The following STRADA variants were observed in gnomAD, a reference collection of about 807,000 sequenced individuals.
The protein encoded by STRADA is STE20-related kinase adapter protein alpha.
STRADA carries 26 observed loss-of-function variants against 55.0 expected under a neutral mutation model. The observed-to-expected ratio is 0.47, with a 90% CI of 0.35 to 0.66. The LOEUF (loss-of-function observed/expected upper bound fraction) is 0.66. STRADA is among the 30% of genes least tolerant of loss of function. The pLI, the probability that STRADA is intolerant of heterozygous loss-of-function variation, is 0.01. For missense variants in STRADA, 443 were observed against 549.7 expected (o/e 0.81, Z 1.94); for synonymous variants, 197 against 210.9 (o/e 0.93, Z 0.57).
chr17:63,739,029 T>C (rs1028036258), intron 1 of STRADA, among the ~76,000 whole-genome samples: 1 of 149,708 alleles, frequency 6.7e-6, no homozygotes, highest in Non-Finnish European at 1.5e-5. Flanking sequence ...GGCGGGCGCC[T>C]GTAGTCCCAG....
chr17:63,737,303 A>G (rs1282093278), intron 1 of STRADA: 2 of 150,306 alleles, frequency 1.3e-5, no homozygotes, highest in Non-Finnish European at 1.5e-5. Context: ...AAGGAATGAG[A>G]AAGAAAATCC....
At chr17:63,736,054 G>A (rs2038399682) in intron 1 of STRADA, among the ~76,000 whole-genome samples, 1 of 152,060 alleles carries the variant, frequency 6.6e-6, no homozygotes, top group South Asian at 2.1e-4. Context: ...GGATTCTCCT[G>A]CCTCAGCCTC....
chr17:63,712,063 C>T lies in STRADA; in HGVS notation c.349-1227G>A, dbSNP rs565517293. On this transcript the variant is annotated intron_variant, in intron 6 of 12. Transcript: ENST00000336174. ...AGATGAACAGGTCCTAGAGCACCAT[C>T]AGGTAACCACCAATTCAGAAAAAGT... Among the ~76,000 whole-genome samples, 64 of 152,272 alleles carry T rather than the reference C, an allele frequency of 4.2e-4. 1 individual carries two copies. The South Asian group carries it at 0.012, about 30-fold the overall frequency.
intron 1 of STRADA, among the ~76,000 whole-genome samples, chr17:63,738,931 C>T (rs112506344): frequency 0.017 from 2,576 of 151,782 alleles, 72 homozygotes; most frequent in African/African-American, 0.059. Context: ...GCGGGCAGAT[C>T]ACGAGGTCAG....
intron 10 of STRADA, chr17:63,704,813 A>T: frequency 6.5e-7 from 1 of 1,535,132 alleles, no homozygotes; most frequent in Non-Finnish European, 8.7e-7. Flanking sequence ...GGGTTGCACA[A>T]AAGTACCCGC....
intron 4 of STRADA, among the ~76,000 whole-genome samples, chr17:63,716,583 T>C (rs991279720): frequency 2.0e-5 from 3 of 152,114 alleles, no homozygotes; most frequent in African/African-American, 4.8e-5. Context: ...TCTTGACCAT[T>C]TTCCTGTTGT....
At chr17:63,707,735 TTTC>T (rs2036202587) in intron 8 of STRADA, among the ~76,000 whole-genome samples, 5 of 151,718 alleles carry the variant, frequency 3.3e-5, no homozygotes, top group Non-Finnish European at 7.4e-5. Flanking sequence ...AATTTTTTTT[TTTC>T]TTTTTTTTTT....
intron 1 of STRADA, among the ~76,000 whole-genome samples, chr17:63,739,718 TTA>T (rs930908359): frequency 3.4e-4 from 50 of 147,748 alleles, no homozygotes; most frequent in Non-Finnish European, 6.7e-4. Context: ...ATATATAATT[TTA>T]TGTGTATATA....
At chr17:63,705,352 C>A (rs928502652) in intron 10 of STRADA, 5 of 184,184 alleles carry the variant, frequency 2.7e-5, no homozygotes, top group Admixed American at 2.7e-4. Flanking sequence ...CCACAGAAGC[C>A]CTCCTTCGCT....
intron 4 of STRADA, among the ~76,000 whole-genome samples, chr17:63,715,852 A>G (rs1303891478): frequency 6.6e-6 from 1 of 152,188 alleles, no homozygotes; most frequent in Non-Finnish European, 1.5e-5. Context: ...TATTCAGCAC[A>G]TGAATATATC....
rs560105853 is a variant in STRADA, at chr17:63,708,779, C to T, written c.582-1361G>A. ...CGAACTCCTGACCTCAGGTGATCCACCCACCTTGGCCTCCCAGAGTGCTGG... is the reference window on the plus strand; with the variant it reads ...CGAACTCCTGACCTCAGGTGATCCATCCACCTTGGCCTCCCAGAGTGCTGG... On this transcript the variant is annotated intron_variant, in intron 8 of 12. Transcript: ENST00000336174. 9.3e-4 allele frequency among the ~76,000 whole-genome samples: 141 copies of T among 152,322 alleles called. No homozygotes were observed. In the South Asian group the frequency reaches 0.027, roughly 29 times the overall value.
At chr17:63,738,434 C>T (rs970902117) in intron 1 of STRADA, among the ~76,000 whole-genome samples, 3 of 151,918 alleles carry the variant, frequency 2.0e-5, no homozygotes, top group Non-Finnish European at 4.4e-5. Flanking sequence ...TTCAGCATGA[C>T]CTTTACTCTC....
Position 63,712,829 on chromosome 17 carries a change from C to T in STRADA, c.348+577G>A, listed in dbSNP as rs557779270. Among the ~76,000 whole-genome samples, 26 of 151,714 alleles carry T rather than the reference C, an allele frequency of 1.7e-4. 1 individual carries two copies. The South Asian group carries it at 4.8e-3, about 28-fold the overall frequency. On this transcript the variant is annotated intron_variant, in intron 6 of 12. Transcript: ENST00000336174. ...CAGCCTGGCCAACATGAAGAAACCC[C>T]GTCTTTTCTAAAAATACAAAAGTTA...
intron 1 of STRADA, among the ~76,000 whole-genome samples, chr17:63,739,841 C>T (rs960661492): frequency 2.1e-5 from 3 of 144,964 alleles, no homozygotes; most frequent in Non-Finnish European, 4.5e-5. Flanking sequence ...TATGTATATA[C>T]ATATAATGTA....
intron 10 of STRADA, 135 bp from the exon 11 acceptor site, chr17:63,704,717 G>T: frequency 6.6e-7 from 1 of 1,511,384 alleles, no homozygotes; most frequent in Non-Finnish European, 8.8e-7. Context: ...GGAAAAGGTG[G>T]AAGTGGAGTA....
At chr17:63,719,859 G>A (rs2037171372) in intron 4 of STRADA, among the ~76,000 whole-genome samples, 1 of 152,028 alleles carries the variant, frequency 6.6e-6, no homozygotes, top group African/African-American at 2.4e-5. Context: ...TTGTCTACTA[G>A]GCTATACACT....
At chr17:63,727,814 TAAG>T (rs1159335398) in intron 2 of STRADA, 1 of 152,124 alleles carries the variant, frequency 6.6e-6, no homozygotes, top group African/African-American at 2.4e-5. Context: ...ATAAAGAAAA[TAAG>T]AAACTCATGA....
In STRADA at chr17:63,727,357, G is replaced by A. The variant is rs116720141; in HGVS notation, c.37-662C>T. On this transcript the variant is annotated intron_variant, in intron 2 of 12. Transcript: ENST00000336174. ...AAGGAGCTCATATTTAAAAGCAATG[G>A]AATCAAGATTGTATTTCCCTTAAGG... 8.3e-3 allele frequency: 1,272 copies of A among 152,422 alleles called. 19 individuals carry two copies. The highest frequency in any genetic ancestry group is 0.029 in the African/African-American group (1,198 of 41,566). The allele number at this position is 152,422 out of a possible 1,614,324, so 9.4% of individuals were successfully genotyped here.
rs191929855 is a variant in STRADA at position 63,721,344 on chromosome 17, C to G, written c.123+1954G>C. Among the ~76,000 whole-genome samples, 1,230 of 150,284 alleles carry G rather than the reference C, an allele frequency of 8.2e-3. 20 individuals are homozygous for G. Among genetic ancestry groups the G allele is most frequent in the African/African-American group, 0.028 (1,158 of 40,726 alleles). ...CCGAGATCATGCCATTGCACTCCAG[C>G]CTGGGTGACAGAGTGAGACACCGTC... On this transcript the variant is annotated intron_variant, in intron 4 of 12. Transcript: ENST00000336174.
Sources: allele counts gnomAD v4.1 joint callset (sites outside exome capture counted in the v4.1 genomes callset), GRCh38; gene constraint gnomAD v4.1.1; transcripts MANE v1.5; gene names NCBI Gene and HGNC (gene_info 2026-07-23, HGNC 2026-07-21).